DLG2: variants seen among roughly 807,000 people sequenced by gnomAD.
The protein encoded by DLG2 is disks large homolog 2.
In DLG2, 45 loss-of-function variants were observed where a neutral mutation model predicts 132.5. The observed-to-expected ratio is 0.34, with a 90% CI of 0.27 to 0.44. DLG2 has a LOEUF of 0.44. Among genes scored for constraint, DLG2 ranks in the 20% least tolerant of loss-of-function variants. The pLI is 1.00. For synonymous variants in DLG2, 424 were observed against 419.6 expected, an observed-to-expected ratio of 1.01 and a Z score of -0.13; for missense variants, 1,045 against 1,196.9, an observed-to-expected ratio of 0.87 and a Z score of 1.87.
rs147381461 is a variant in DLG2, at chr11:83,627,026, G to A, written c.1940+6185C>T. On this transcript the variant is annotated intron_variant, in intron 19 of 27. Coordinates refer to ENST00000376104, the MANE Select transcript of DLG2 (RefSeq NM_001142699.3). Reference sequence around the variant, plus strand: ...CTTATCTCACTGCTGAGAAAACAGCGTCTTAGTCACAACCAATTCTGTGGT... The same window carrying A: ...CTTATCTCACTGCTGAGAAAACAGCATCTTAGTCACAACCAATTCTGTGGT... 1.8e-3 allele frequency among the ~76,000 whole-genome samples: 276 copies of A among 152,178 alleles called. 1 individual carries two copies. Among genetic ancestry groups the A allele is most frequent in the African/African-American group, 5.7e-3 (238 of 41,534 alleles).
intron 7 of DLG2, chr11:84,317,324 G>C (rs956716120): frequency 1.4e-6 from 2 of 1,423,344 alleles, no homozygotes; most frequent in East Asian, 2.5e-5. Context: ...CAGCAGCTCC[G>C]CACAGCATTA....
intron 7 of DLG2, among the ~76,000 whole-genome samples, chr11:84,377,319 C>G (rs2098733290): frequency 6.6e-6 from 1 of 151,900 alleles, no homozygotes; most frequent in East Asian, 1.9e-4. Flanking sequence ...AGGACCTATT[C>G]TAGATTAAAG....
chr11:84,039,367 C>A (rs1234782277), intron 11 of DLG2, among the ~76,000 whole-genome samples: 1 of 125,788 alleles, frequency 7.9e-6, no homozygotes, highest in Non-Finnish European at 1.6e-5. Context: ...TATCCCTCCC[C>A]CCGCCCCCCA....
At chr11:84,786,780 T>A (rs1295727384) in intron 6 of DLG2, among the ~76,000 whole-genome samples, 1 of 152,086 alleles carries the variant, frequency 6.6e-6, no homozygotes, top group Non-Finnish European at 1.5e-5. Context: ...AGAACTACCA[T>A]AGACACAAAG....
At chr11:83,958,115 T>C (rs2087393995) in intron 14 of DLG2, among the ~76,000 whole-genome samples, 1 of 152,258 alleles carries the variant, frequency 6.6e-6, no homozygotes, top group Non-Finnish European at 1.5e-5. Context: ...CTAATAACTA[T>C]GCTTGACATG....
chr11:84,592,541 T>C (rs572647268), intron 6 of DLG2, among the ~76,000 whole-genome samples: 3 of 152,056 alleles, frequency 2.0e-5, no homozygotes, highest in African/African-American at 7.2e-5. Context: ...AACTACAGAA[T>C]GGGAGAAATT....
At chr11:83,784,053 T>G (rs577584391) in intron 18 of DLG2, among the ~76,000 whole-genome samples, 1 of 152,212 alleles carries the variant, frequency 6.6e-6, no homozygotes, top group African/African-American at 2.4e-5. Flanking sequence ...AGGAAATTTT[T>G]GATAAAGCAT....
intron 18 of DLG2, among the ~76,000 whole-genome samples, chr11:83,665,339 G>A (rs2075295814): frequency 6.6e-6 from 1 of 152,200 alleles, no homozygotes; most frequent in African/African-American, 2.4e-5. Flanking sequence ...TAGTGTGCTA[G>A]GCAATGGAGA....
chr11:85,463,115 C>A (rs767855968), intron 3 of DLG2, among the ~76,000 whole-genome samples: 1 of 152,068 alleles, frequency 6.6e-6, no homozygotes, highest in Non-Finnish European at 1.5e-5. Flanking sequence ...TGTAAACTAC[C>A]CAGTGTATAG....
chr11:84,585,443 T>C (rs893696711), intron 6 of DLG2, among the ~76,000 whole-genome samples: 2 of 152,176 alleles, frequency 1.3e-5, no homozygotes, highest in African/African-American at 4.8e-5. Flanking sequence ...TGTTAGGCCA[T>C]GTACCCTCAC....
intron 18 of DLG2, among the ~76,000 whole-genome samples, chr11:83,745,021 T>C (rs2092800410): frequency 6.6e-6 from 1 of 152,216 alleles, no homozygotes; most frequent in Non-Finnish European, 1.5e-5. Flanking sequence ...TACTCATACC[T>C]GTCATCAGCA....
chr11:85,523,762 G>T (rs1315176962), intron 3 of DLG2, among the ~76,000 whole-genome samples: 1 of 152,160 alleles, frequency 6.6e-6, no homozygotes, highest in Non-Finnish European at 1.5e-5. Context: ...TCAGTATTTT[G>T]AAGAGACATC....
In DLG2 at chr11:83,471,241, A is replaced by G. The variant is rs138111174; in HGVS notation, c.2446+385T>C. Among the ~76,000 whole-genome samples the G allele has an allele frequency of 5.9e-5, 9 of 152,164 alleles. No homozygotes were observed. The East Asian group carries it at 1.5e-3, about 26-fold the overall frequency. On this transcript the variant is annotated intron_variant, in intron 24 of 27. Coordinates refer to ENST00000376104, the MANE Select transcript of DLG2 (RefSeq NM_001142699.3). The stretch of plus-strand genomic sequence containing the variant: ...TAAGTCATCCTGAGAGGATTTTAAT[A>G]TATGGCTTTGTTTCCGATCTCTTCC...
At chr11:84,655,724 GT>G (rs1329100882) in intron 6 of DLG2, among the ~76,000 whole-genome samples, 144 of 134,582 alleles carry the variant, frequency 1.1e-3, no homozygotes, top group Non-Finnish European at 2.0e-3. Context: ...ACTGTACTTT[GT>G]TTTTTTTTGT....
At chr11:83,639,436 G>A (rs535237754) in intron 18 of DLG2, among the ~76,000 whole-genome samples, 4 of 152,168 alleles carry the variant, frequency 2.6e-5, no homozygotes, top group South Asian at 4.2e-4. Flanking sequence ...AATAAAAAAC[G>A]ATGAGTTCAT....
chr11:83,648,773 G>A (rs774323864), intron 18 of DLG2, among the ~76,000 whole-genome samples: 19 of 152,238 alleles, frequency 1.2e-4, no homozygotes, highest in Middle Eastern at 3.4e-3. Context: ...TATGGATGTA[G>A]ACATTTCCTG....
intron 19 of DLG2, among the ~76,000 whole-genome samples, chr11:83,565,552 G>A (rs78722991): frequency 0.028 from 4,277 of 152,252 alleles, 224 homozygotes; most frequent in African/African-American, 0.097. Context: ...TCTATTCAGT[G>A]CAGAGTACAC....
intron 5 of DLG2, among the ~76,000 whole-genome samples, chr11:85,134,987 T>A (rs2076049103): frequency 6.6e-6 from 1 of 152,214 alleles, no homozygotes; most frequent in Admixed American, 6.5e-5. Context: ...TATGGTTCAG[T>A]AATTTGAAAA....
intron 6 of DLG2, among the ~76,000 whole-genome samples, chr11:84,896,679 G>A (rs1363410446): frequency 2.0e-5 from 3 of 151,816 alleles, no homozygotes; most frequent in Admixed American, 6.6e-5. Flanking sequence ...TGTCAGTTAC[G>A]TACAGTCAAC....
Sources: allele counts gnomAD v4.1 joint callset (sites outside exome capture counted in the v4.1 genomes callset), GRCh38; gene constraint gnomAD v4.1.1; transcripts MANE v1.5; gene names NCBI Gene and HGNC (gene_info 2026-07-23, HGNC 2026-07-21).